Variants in EPHA3 observed in about 807,000 individuals in gnomAD.
EPHA3 encodes the protein EPH receptor A3.
A neutral mutation model predicts 107.1 loss-of-function variants in EPHA3; 42 were observed. That is an observed-to-expected ratio of 0.39 (90% CI 0.31 to 0.51). The LOEUF (loss-of-function observed/expected upper bound fraction) is 0.51, where lower values mean the gene tolerates loss of function less well. EPHA3 is among the 20% of genes least tolerant of loss of function. The pLI, the probability that EPHA3 is intolerant of heterozygous loss-of-function variation, is 0.78. For synonymous variants in EPHA3, 461 were observed against 424.8 expected (o/e 1.09, Z -1.05); for missense variants, 1,183 against 1,211.2 (o/e 0.98, Z 0.35).
At chr3:89,208,482 G>GAAGGAA (rs796550208) in intron 2 of EPHA3, among the ~76,000 whole-genome samples, 1 of 127,116 alleles carries the variant, frequency 7.9e-6, no homozygotes, top group Admixed American at 8.0e-5. Context: ...AAGAAAGAAA[G>GAAGGAA]AGAAAAAGAA....
At chr3:89,444,318 GTATC>G (rs1709839718) in intron 13 of EPHA3, among the ~76,000 whole-genome samples, 1 of 151,988 alleles carries the variant, frequency 6.6e-6, no homozygotes, top group South Asian at 2.1e-4. Flanking sequence ...GAGAATGTAT[GTATC>G]TATCTTTTCT....
intron 2 of EPHA3, among the ~76,000 whole-genome samples, chr3:89,130,925 C>T (rs906853277): frequency 5.3e-5 from 8 of 152,142 alleles, no homozygotes; most frequent in Non-Finnish European, 1.2e-4. Context: ...CGTGAGACAC[C>T]GCGCCCGGTC....
At chr3:89,169,000 G>T (rs957820872) in intron 2 of EPHA3, among the ~76,000 whole-genome samples, 1 of 151,964 alleles carries the variant, frequency 6.6e-6, no homozygotes, top group Non-Finnish European at 1.5e-5. Flanking sequence ...CAATATATTC[G>T]CATTTTTCAG....
chr3:89,244,616 G>T (rs1241220375), intron 3 of EPHA3, among the ~76,000 whole-genome samples: 2 of 152,058 alleles, frequency 1.3e-5, no homozygotes, highest in African/African-American at 4.8e-5. Context: ...ATGAATATGA[G>T]AAAAGAAGTA....
intron 2 of EPHA3, among the ~76,000 whole-genome samples, chr3:89,196,020 C>G (rs781029811): frequency 6.6e-6 from 1 of 151,994 alleles, no homozygotes; most frequent in Admixed American, 6.6e-5. Flanking sequence ...ACTCTTCAAC[C>G]CTTCCCCTTC....
intron 5 of EPHA3, among the ~76,000 whole-genome samples, chr3:89,387,900 A>G (rs537620507): frequency 3.3e-5 from 5 of 152,254 alleles, no homozygotes; most frequent in African/African-American, 1.2e-4. Context: ...ACTACTTTAG[A>G]TCTTTAAAAT....
intron 3 of EPHA3, among the ~76,000 whole-genome samples, chr3:89,319,683 C>A (rs1041744523): frequency 1.3e-5 from 2 of 151,826 alleles, no homozygotes; most frequent in Non-Finnish European, 2.9e-5. Context: ...CAGGAGAGAG[C>A]CTTTTATCGT....
chr3:89,266,329 A>C (rs62274983), intron 3 of EPHA3, among the ~76,000 whole-genome samples: 215 of 152,226 alleles, frequency 1.4e-3, no homozygotes, highest in Non-Finnish European at 2.4e-3. Flanking sequence ...CTTAATTACT[A>C]CACCTTACAG....
intron 3 of EPHA3, among the ~76,000 whole-genome samples, chr3:89,295,726 G>A (rs1401554608): frequency 6.6e-6 from 1 of 152,068 alleles, no homozygotes; most frequent in Non-Finnish European, 1.5e-5. Flanking sequence ...AAGTAGCTGG[G>A]ATTGTAGGCA....
chr3:89,112,341 A>G (rs1707129680), intron 1 of EPHA3, among the ~76,000 whole-genome samples: 2 of 152,176 alleles, frequency 1.3e-5, no homozygotes, highest in Middle Eastern at 3.4e-3. Flanking sequence ...CATATTAACA[A>G]CTTAGTAATC....
intron 2 of EPHA3, among the ~76,000 whole-genome samples, chr3:89,149,659 G>C (rs1303979119): frequency 1.0e-5 from 1 of 98,008 alleles, no homozygotes; most frequent in South Asian, 3.6e-4. Flanking sequence ...ACAGGCCCCA[G>C]TGTGTGATGT....
intron 3 of EPHA3, among the ~76,000 whole-genome samples, chr3:89,305,587 A>G (rs1706597523): frequency 6.6e-6 from 1 of 152,154 alleles, no homozygotes. Flanking sequence ...TATCTCCTTT[A>G]CCTCTAAAAT....
At chr3:89,234,279 C>T (rs1184448130) in intron 3 of EPHA3, among the ~76,000 whole-genome samples, 1 of 152,120 alleles carries the variant, frequency 6.6e-6, no homozygotes, top group East Asian at 1.9e-4. Flanking sequence ...GAAAGGAGAA[C>T]TTACTGTTTA....
Position 89,472,524 on chromosome 3 carries a change from T to C in EPHA3, c.2751T>C (p.Gly917=), listed in dbSNP as rs1353241949. The C allele has an allele frequency of 6.2e-7, 1 of 1,613,954 alleles. No homozygotes were observed. The highest frequency in any genetic ancestry group is 8.5e-7 in the Non-Finnish European group (1 of 1,179,994). Residue 917 remains glycine, a synonymous_variant, in exon 16 of 17, where the codon GGT becomes GGC. Coordinates refer to ENST00000336596, the MANE Select transcript of EPHA3 (RefSeq NM_005233.6). The stretch of plus-strand genomic sequence containing the variant: ...ATATCACTACCTTCCGCACAACAGG[T>C]GACTGGCTTAATGGTGTCTGGACAG... ...NVDITTFRTT[G]DWLNGVWTAH...
chr3:89,345,370 C>G (rs1306825007), intron 5 of EPHA3, among the ~76,000 whole-genome samples: 1 of 151,184 alleles, frequency 6.6e-6, no homozygotes, highest in Non-Finnish European at 1.5e-5. Context: ...TATTGGAATT[C>G]AGCATGTGTA....
chr3:89,450,456 A>G (rs1285502418), intron 15 of EPHA3, 86 bp downstream of exon 15: 1 of 1,315,308 alleles, frequency 7.6e-7, no homozygotes, highest in Non-Finnish European at 1.1e-6. Flanking sequence ...GCCCACCCCC[A>G]AAATGCATTA....
intron 3 of EPHA3, among the ~76,000 whole-genome samples, chr3:89,290,026 A>G (rs2107327343): frequency 6.6e-6 from 1 of 152,214 alleles, no homozygotes; most frequent in African/African-American, 2.4e-5. Context: ...TTATCCTCTG[A>G]ATACTCACCT....
At chr3:89,133,613 A>G (rs1233989211) in intron 2 of EPHA3, among the ~76,000 whole-genome samples, 5 of 152,184 alleles carry the variant, frequency 3.3e-5, no homozygotes. Context: ...ATGGCAGATG[A>G]GGCAAAACTA....
At chr3:89,256,513 G>A (rs1202494654) in intron 3 of EPHA3, among the ~76,000 whole-genome samples, 3 of 151,916 alleles carry the variant, frequency 2.0e-5, no homozygotes, top group Non-Finnish European at 4.4e-5. Flanking sequence ...GCATTGAGCC[G>A]AGATCGTGCC....
Sources: gnomAD v4.1 joint callset for allele counts (sites outside exome capture counted in the v4.1 genomes callset) on GRCh38, gnomAD v4.1.1 for gene constraint, MANE v1.5 for transcripts, NCBI Gene and HGNC (gene_info 2026-07-23, HGNC 2026-07-21) for gene names.